Variants in PHLDB2 observed in about 807,000 individuals in gnomAD.
PHLDB2 encodes pleckstrin homology-like domain family B member 2.
In PHLDB2, 71 loss-of-function variants were observed where a neutral mutation model predicts 123.6. That is an observed-to-expected ratio of 0.57 (90% CI 0.47 to 0.70). The LOEUF is 0.70. PHLDB2 is among the 30% of genes least tolerant of loss of function. PHLDB2 has a pLI of 0.00. For missense variants in PHLDB2, 1,446 were observed against 1,519.5 expected, an observed-to-expected ratio of 0.95 and a Z score of 0.80; for synonymous variants, 547 against 541.6, an observed-to-expected ratio of 1.01 and a Z score of -0.14.
At chr3:111,972,913 G>A (rs1158834696) in intron 16 of PHLDB2, among the ~76,000 whole-genome samples, 1 of 152,096 alleles carries the variant, frequency 6.6e-6, no homozygotes, top group Non-Finnish European at 1.5e-5. Flanking sequence ...AATTGTGTTT[G>A]TTTTACCTAC....
intron 1 of PHLDB2, among the ~76,000 whole-genome samples, chr3:111,777,461 T>C (rs139429743): frequency 1.3e-5 from 2 of 152,264 alleles, no homozygotes; most frequent in African/African-American, 4.8e-5. Context: ...GTATTTCTTT[T>C]TATCTTATTT....
chr3:111,884,608 G>T lies in PHLDB2; in HGVS notation c.531G>T (p.Leu177=). 6.2e-7 allele frequency: 1 copy of T among 1,614,102 alleles called. No homozygotes were observed. The highest frequency in any genetic ancestry group is 8.5e-7 in the Non-Finnish European group (1 of 1,180,010). Residue 177 remains leucine (L), a synonymous_variant, in exon 2 of 18, where the codon CTG becomes CTT. Transcript: ENST00000431670. ...GTCGGAAGGCATCTGGCTCGCTCCT[G>T]GCCATGTGGAATGGAAGTTCCCTGA... The part of the protein sequence containing the change: ...LEGRKASGSL[L]AMWNGSSLSD...
intron 2 of PHLDB2, among the ~76,000 whole-genome samples, chr3:111,912,536 G>A (rs942889851): frequency 1.3e-5 from 2 of 151,912 alleles, no homozygotes; most frequent in Non-Finnish European, 2.9e-5. Flanking sequence ...AATTAGTAGA[G>A]AAAGACCTTT....
rs1169642400 is a variant in PHLDB2 at position 111,973,763 on chromosome 3, A to G, written c.3567A>G (p.Ile1189Met). The change falls in exon 17 of 18, where the codon ATA becomes ATG. Residue 1189 changes from isoleucine to methionine, a missense_variant. Coordinates refer to ENST00000431670, the MANE Select transcript of PHLDB2 (RefSeq NM_001134438.2). Reference sequence around the variant, plus strand: ...ATGAAACTAAATTGAAAGGAGTAATATACTTTCAAGCCATTGAAGAAGTCT... The same window carrying G: ...ATGAAACTAAATTGAAAGGAGTAATGTACTTTCAAGCCATTGAAGAAGTCT... ...DKHETKLKGV[I>M]YFQAIEEVYY... is the part of the protein sequence containing the mutation. The G allele has an allele frequency of 3.1e-6, 5 of 1,603,912 alleles. No homozygotes were observed. The highest frequency in any genetic ancestry group is 2.2e-5 in the East Asian group (1 of 44,724).
chr3:111,855,770 C>T (rs541326677), upstream of PHLDB2, among the ~76,000 whole-genome samples: 507 of 151,200 alleles, frequency 3.4e-3, no homozygotes, highest in Non-Finnish European at 4.3e-3. Context: ...GCTGGGACTA[C>T]AGATGGTGCA....
At chr3:111,851,514 A>T (rs2064255353) in intron 2 of PHLDB2, among the ~76,000 whole-genome samples, 3 of 152,178 alleles carry the variant, frequency 2.0e-5, no homozygotes, top group African/African-American at 2.4e-5. Flanking sequence ...TTGTGGCCCT[A>T]ATGAATACGC....
chr3:111,953,878 AG>A, intron 11 of PHLDB2, 51 bp from the exon 12 acceptor site: 2 of 1,412,460 alleles, frequency 1.4e-6, no homozygotes, highest in East Asian at 4.6e-5. Flanking sequence ...CATTTCCTAA[AG>A]GTCCATTCAG....
At chr3:111,757,501 C>T (rs546505911) in intron 1 of PHLDB2, among the ~76,000 whole-genome samples, 6 of 152,320 alleles carry the variant, frequency 3.9e-5, no homozygotes, top group Admixed American at 2.6e-4. Context: ...TTTTCAACTT[C>T]TTCGCCTTTG....
intron 2 of PHLDB2, among the ~76,000 whole-genome samples, chr3:111,897,022 A>G (rs1415902338): frequency 6.6e-6 from 1 of 152,242 alleles, no homozygotes; most frequent in African/African-American, 2.4e-5. Context: ...GGATATTGAC[A>G]TTGATACAGT....
Position 111,920,379 on chromosome 3 carries a change from T to C in PHLDB2, c.1961T>C (p.Ile654Thr). The change falls in exon 5 of 18, where the codon ATA becomes ACA. Residue 654 changes from isoleucine to threonine, a missense_variant. By Grantham distance (89) the Ile-to-Thr change is moderately conservative (BLOSUM62 -1). This residue lies in a region of PHLDB2 where 832 missense variants were observed against 831.9 expected (regional missense o/e 1.00). Coordinates refer to ENST00000431670, the MANE Select transcript of PHLDB2 (RefSeq NM_001134438.2). ...KEILDHLNRKIAELEKNIVGE... is the reference protein window; with the variant it reads ...KEILDHLNRKTAELEKNIVGE... ...ATTTTGGATCATCTAAACCGGAAAA[T>C]AGCTGAACTGGAAAAGAACATTGTT... 1 of 1,613,852 alleles carries C rather than the reference T, an allele frequency of 6.2e-7. No individual in the cohort carries two copies. Among genetic ancestry groups the C allele is most frequent in the Non-Finnish European group, 8.5e-7 (1 of 1,179,888 alleles).
chr3:111,880,424 A>G (rs763648450), intron 1 of PHLDB2, among the ~76,000 whole-genome samples: 162 of 152,296 alleles, frequency 1.1e-3, no homozygotes, highest in African/African-American at 3.8e-3. Flanking sequence ...CTTACTGGCA[A>G]AGTACTTCCT....
rs150251298 is a variant in PHLDB2, at chr3:111,883,382, G to C, written c.-14-682G>C. 2.5e-4 allele frequency among the ~76,000 whole-genome samples: 38 copies of C among 152,298 alleles called. 1 individual carries two copies. The East Asian group carries it at 7.3e-3, about 29-fold the overall frequency. On this transcript the variant is annotated intron_variant, in intron 1 of 17. Transcript: ENST00000431670. ...TGAGCATAGTGCATTTGGGGTACTA[G>C]AAAATTTAAAGGATATAACAGTTTC... is the stretch of plus-strand genomic sequence containing the variant.
chr3:111,776,713 T>G (rs9870656), intron 1 of PHLDB2, among the ~76,000 whole-genome samples: 65,540 of 151,958 alleles, frequency 0.43, 17,388 homozygotes, highest in East Asian at 0.77. Context: ...TGATGTTTCA[T>G]ATAAACTTCA....
chr3:111,892,410 T>C (rs2066558923), intron 2 of PHLDB2, among the ~76,000 whole-genome samples: 1 of 152,224 alleles, frequency 6.6e-6, no homozygotes, highest in Admixed American at 6.5e-5. Flanking sequence ...CCTAGCCAGA[T>C]GACTAGAGTA....
intron 1 of PHLDB2, among the ~76,000 whole-genome samples, chr3:111,866,084 A>C (rs1405826059): frequency 3.3e-5 from 4 of 121,036 alleles, no homozygotes; most frequent in African/African-American, 1.3e-4. Flanking sequence ...CAGTGGTGCG[A>C]TCCAGCTCAC....
At chr3:111,900,548 T>A (rs780753107) in intron 2 of PHLDB2, among the ~76,000 whole-genome samples, 1 of 152,192 alleles carries the variant, frequency 6.6e-6, no homozygotes, top group Non-Finnish European at 1.5e-5. Flanking sequence ...ACAACATTTA[T>A]TAATTAAGTT....
chr3:111,910,121 C>A (rs1159205454), intron 2 of PHLDB2, among the ~76,000 whole-genome samples: 1 of 152,004 alleles, frequency 6.6e-6, no homozygotes, highest in Non-Finnish European at 1.5e-5. Flanking sequence ...AAAAACATAC[C>A]CCTAGCCCAT....
At chr3:111,961,863 A>G in intron 12 of PHLDB2, 1 of 479,882 alleles carries the variant, frequency 2.1e-6, no homozygotes, top group Non-Finnish European at 3.6e-6. Context: ...AGATGTAGGA[A>G]TGCCATAGGA....
chr3:111,750,098 G>C (rs1206624639), intron 1 of PHLDB2, among the ~76,000 whole-genome samples: 1 of 152,138 alleles, frequency 6.6e-6, no homozygotes, highest in Non-Finnish European at 1.5e-5. Context: ...GGTTATATGA[G>C]TACCCAACAG....
Sources: gnomAD v4.1 joint callset for allele counts (sites outside exome capture counted in the v4.1 genomes callset) on GRCh38, gnomAD v4.1.1 for gene constraint, gnomAD v4.1.1 regional missense constraint, MANE v1.5 for transcripts, NCBI Gene and HGNC (gene_info 2026-07-23, HGNC 2026-07-21) for gene names.